The following CCDC150 variants were observed in gnomAD, a reference collection of about 807,000 sequenced individuals.
The protein encoded by CCDC150 is coiled-coil domain containing 150, also known as coiled-coil domain-containing protein 150.
In CCDC150, 151 loss-of-function variants were observed where a neutral mutation model predicts 156.5. The ratio of observed to expected loss-of-function variants is 0.97; its 90% CI spans 0.85 to 1.10. The LOEUF (loss-of-function observed/expected upper bound fraction) is 1.10, where lower values mean the gene tolerates loss of function less well. Among genes scored for constraint, CCDC150 ranks in the 50% least tolerant of loss-of-function variants. The probability of loss-of-function intolerance (pLI) is 0.00; values close to 1 mark genes in which losing one functional copy is unlikely to be tolerated. For missense variants in CCDC150, 1,312 were observed against 1,268.1 expected (o/e 1.03, Z -0.53); for synonymous variants, 452 against 429.4 (o/e 1.05, Z -0.65).
chr2:196,732,654 G>A lies in CCDC150; in HGVS notation c.*92G>A. On this transcript the variant is annotated 3_prime_UTR_variant, in exon 28 of 28. Coordinates refer to ENST00000389175, the MANE Select transcript of CCDC150 (RefSeq NM_001080539.2). ...GGCTGGCCTGTTTCTAGAGTCATAA[G>A]AACATGAAGTCTTTGATGTGGGCTG... is the stretch of plus-strand genomic sequence containing the variant. 2.4e-6 allele frequency: 2 copies of A among 819,608 alleles called. No individual in the cohort carries two copies. Among genetic ancestry groups the A allele is most frequent in the South Asian group, 2.9e-5 (2 of 68,328 alleles). 50.8% of individuals were successfully genotyped at this position (819,608 alleles called of 1,614,324 possible).
At chr2:196,700,442 C>A (rs750661004) in intron 14 of CCDC150, among the ~76,000 whole-genome samples, 1 of 152,020 alleles carries the variant, frequency 6.6e-6, no homozygotes, top group Non-Finnish European at 1.5e-5. Context: ...AAGAAAGTAC[C>A]AATATGGCCC....
chr2:196,673,169 C>T (rs1694307028), intron 9 of CCDC150, among the ~76,000 whole-genome samples: 1 of 152,056 alleles, frequency 6.6e-6, no homozygotes, highest in Non-Finnish European at 1.5e-5. Context: ...TTACTGAGCC[C>T]CTTCTACATT....
intron 15 of CCDC150, among the ~76,000 whole-genome samples, chr2:196,705,939 G>C (rs1696596667): frequency 6.6e-6 from 1 of 152,206 alleles, no homozygotes; most frequent in Admixed American, 6.5e-5. Context: ...GTACCATGCT[G>C]TTTTGGTTAC....
At chr2:196,719,789 A>G in intron 19 of CCDC150, 123 bp downstream of exon 19, 1 of 594,634 alleles carries the variant, frequency 1.7e-6, no homozygotes, top group Non-Finnish European at 2.6e-6. Context: ...GCAAAATGAT[A>G]TGTTGAAAGA....
At chr2:196,668,336 C>CCACACTG (rs1406480718) in intron 7 of CCDC150, among the ~76,000 whole-genome samples, 2 of 149,550 alleles carry the variant, frequency 1.3e-5, no homozygotes, top group Non-Finnish European at 3.0e-5. Flanking sequence ...ATAAAAGGAT[C>CCACACTG]CACACTGACT....
intron 13 of CCDC150, among the ~76,000 whole-genome samples, chr2:196,692,284 G>A (rs954185330): frequency 3.3e-5 from 5 of 150,986 alleles, no homozygotes; most frequent in South Asian, 2.1e-4. Flanking sequence ...ACAGGCGCCC[G>A]CCACCGCGCC....
At chr2:196,665,047 A>G (rs1693761883) in intron 5 of CCDC150, among the ~76,000 whole-genome samples, 2 of 152,188 alleles carry the variant, frequency 1.3e-5, no homozygotes, top group Admixed American at 1.3e-4. Flanking sequence ...AAATATGTAG[A>G]TAAATCAAAA....
At chr2:196,710,459 G>T (rs2375945) in intron 15 of CCDC150, among the ~76,000 whole-genome samples, 100,832 of 152,048 alleles carry the variant, frequency 0.66, 34,267 homozygotes, top group East Asian at 0.92. Flanking sequence ...TGCGCTTCCC[G>T]GGTGAGGCGA....
intron 17 of CCDC150, among the ~76,000 whole-genome samples, chr2:196,714,224 G>T (rs924347532): frequency 6.6e-6 from 1 of 152,206 alleles, no homozygotes; most frequent in Admixed American, 6.5e-5. Flanking sequence ...AGGAAGCAGC[G>T]AAAGCAGGGA....
At chr2:196,657,442 G>A (rs765862124) in intron 4 of CCDC150, 8 of 244,824 alleles carry the variant, frequency 3.3e-5, no homozygotes, top group Non-Finnish European at 6.3e-5. Flanking sequence ...GGGAGAACAA[G>A]CTACAGCATG....
intron 5 of CCDC150, among the ~76,000 whole-genome samples, chr2:196,662,477 A>T (rs1693613378): frequency 6.6e-6 from 1 of 152,134 alleles, no homozygotes; most frequent in South Asian, 2.1e-4. Context: ...CGTGCAACCT[A>T]GATCCCTTGC....
chr2:196,688,625 C>T (rs1042669935), intron 13 of CCDC150, among the ~76,000 whole-genome samples: 2 of 151,862 alleles, frequency 1.3e-5, no homozygotes. Flanking sequence ...TTTGAGTTCA[C>T]TGTAGATTCT....
At chr2:196,684,716 T>C (rs565608368) in intron 13 of CCDC150, among the ~76,000 whole-genome samples, 3 of 152,266 alleles carry the variant, frequency 2.0e-5, no homozygotes, top group Non-Finnish European at 2.9e-5. Flanking sequence ...TTGCTTCATA[T>C]ACTTGTGGCC....
At chr2:196,725,839 T>A (rs1268840164) in intron 21 of CCDC150, 134 bp from the exon 22 acceptor site, 1 of 692,506 alleles carries the variant, frequency 1.4e-6, no homozygotes, top group Admixed American at 3.1e-5. Context: ...ATTAGTGAGG[T>A]TCACCAGGCT....
chr2:196,726,789 CTT>C (rs1393698623), intron 22 of CCDC150: 1 of 152,188 alleles, frequency 6.6e-6, no homozygotes, highest in East Asian at 1.9e-4. Context: ...AGAGCAGAGA[CTT>C]TGGAAAATGT....
chr2:196,653,552 C>T (rs1047821395), intron 2 of CCDC150, among the ~76,000 whole-genome samples: 2 of 152,182 alleles, frequency 1.3e-5, no homozygotes, highest in African/African-American at 4.8e-5. Context: ...ACCTCATCAG[C>T]CTGTCCTCTG....
At chr2:196,704,835 A>G (rs1329057609) in intron 15 of CCDC150, among the ~76,000 whole-genome samples, 1 of 152,082 alleles carries the variant, frequency 6.6e-6, no homozygotes, top group Admixed American at 6.5e-5. Context: ...TTTGCTGATA[A>G]TGATGGTTTC....
At chr2:196,660,254 A>G (rs750669844) in intron 5 of CCDC150, among the ~76,000 whole-genome samples, 15 of 152,204 alleles carry the variant, frequency 9.9e-5, no homozygotes, top group Non-Finnish European at 1.8e-4. Flanking sequence ...GCAATTATGA[A>G]TAAAGCTGCT....
In CCDC150 at chr2:196,660,837, T is replaced by C. The variant is rs114483619; in HGVS notation, c.645+1977T>C. ...ATATCAATTTTTTTCTTTCATGGATTGTACTGTTAGAATTGTATCTAAAAA... is the reference window on the plus strand; with the variant it reads ...ATATCAATTTTTTTCTTTCATGGATCGTACTGTTAGAATTGTATCTAAAAA... On this transcript the variant is annotated intron_variant, in intron 5 of 27. Coordinates refer to ENST00000389175, the MANE Select transcript of CCDC150 (RefSeq NM_001080539.2). Among the ~76,000 whole-genome samples, 430 of 152,350 alleles carry C rather than the reference T, an allele frequency of 2.8e-3. 4 individuals carry two copies. Among genetic ancestry groups the C allele is most frequent in the African/African-American group, 9.9e-3 (410 of 41,582 alleles).
Sources: gnomAD v4.1 joint callset for allele counts (sites outside exome capture counted in the v4.1 genomes callset) on GRCh38, gnomAD v4.1.1 for gene constraint, MANE v1.5 for transcripts, NCBI Gene and HGNC (gene_info 2026-07-23, HGNC 2026-07-21) for gene names.